Variants in CCDC171 observed in about 807,000 individuals in gnomAD.
The protein encoded by CCDC171 is coiled-coil domain containing 171.
In CCDC171, 177 loss-of-function variants were observed where a neutral mutation model predicts 168.2. That is an observed-to-expected ratio of 1.05 (90% CI 0.93 to 1.19). CCDC171 has a LOEUF of 1.19. Ranked by LOEUF, CCDC171 falls within the 50% of genes most tolerant of loss-of-function variation. The pLI, the probability that CCDC171 is intolerant of heterozygous loss-of-function variation, is 0.00. For missense variants in CCDC171, 1,991 were observed against 1,539.0 expected (o/e 1.29, Z -4.91); for synonymous variants, 687 against 540.8 (o/e 1.27, Z -3.75).
intron 18 of CCDC171, among the ~76,000 whole-genome samples, chr9:15,771,234 T>G (rs1389975042): frequency 6.6e-6 from 1 of 152,172 alleles, no homozygotes; most frequent in Non-Finnish European, 1.5e-5. Flanking sequence ...TGGGCTAAAT[T>G]CATGAGAAAT....
intron 7 of CCDC171, among the ~76,000 whole-genome samples, chr9:15,646,906 A>T (rs2047085210): frequency 6.6e-6 from 1 of 152,254 alleles, no homozygotes. Flanking sequence ...TGGACCTAAT[A>T]GACATCTACA....
chr9:15,863,029 CCAAACCACCACCCTTTTTCT>C (rs113096694), intron 23 of CCDC171, among the ~76,000 whole-genome samples: 4,525 of 151,474 alleles, frequency 0.03, 136 homozygotes, highest in African/African-American at 0.085. Flanking sequence ...GTGCTCTAGT[CCAAACCACCACCCTTTTTCT>C]CAAACCACCA....
intron 21 of CCDC171, among the ~76,000 whole-genome samples, chr9:15,820,041 C>G (rs149910229): frequency 0.03 from 3,551 of 117,474 alleles, 1,087 homozygotes; most frequent in African/African-American, 0.11. Flanking sequence ...GAAACTCACT[C>G]AAAACTGCTC....
chr9:15,912,782 T>G (rs570480703), intron 24 of CCDC171, among the ~76,000 whole-genome samples: 1 of 152,356 alleles, frequency 6.6e-6, no homozygotes, highest in South Asian at 2.1e-4. Flanking sequence ...CTTTTCTGCA[T>G]CTATTGAGAT....
At chr9:15,637,003 C>T (rs983366311) in intron 7 of CCDC171, among the ~76,000 whole-genome samples, 3 of 151,974 alleles carry the variant, frequency 2.0e-5, no homozygotes, top group Non-Finnish European at 4.4e-5. Context: ...TGCCTGTAAT[C>T]CCAGCACTTT....
At chr9:15,958,772 T>C (rs1370060988) in intron 25 of CCDC171, among the ~76,000 whole-genome samples, 1 of 151,958 alleles carries the variant, frequency 6.6e-6, no homozygotes, top group Non-Finnish European at 1.5e-5. Flanking sequence ...TATGAGAAAT[T>C]ACGTTAATGC....
intron 24 of CCDC171, among the ~76,000 whole-genome samples, chr9:15,878,050 C>T (rs553261311): frequency 6.6e-6 from 1 of 152,172 alleles, no homozygotes; most frequent in East Asian, 1.9e-4. Context: ...TAGGTAATAC[C>T]ATTCTGGACA....
chr9:15,862,831 G>A (rs977505415), intron 23 of CCDC171, among the ~76,000 whole-genome samples: 2 of 151,968 alleles, frequency 1.3e-5, no homozygotes, highest in Non-Finnish European at 2.9e-5. Context: ...TTTGTAGTAT[G>A]CCTCATCAGT....
At chr9:15,817,722 A>G (rs1196469401) in intron 21 of CCDC171, among the ~76,000 whole-genome samples, 4 of 118,920 alleles carry the variant, frequency 3.4e-5, no homozygotes, top group African/African-American at 1.3e-4. Flanking sequence ...GGAGCCCACC[A>G]CAGCTCAAGG....
intron 4 of CCDC171, among the ~76,000 whole-genome samples, chr9:15,590,767 CTTT>C: frequency 8.8e-6 from 1 of 113,724 alleles, no homozygotes; most frequent in East Asian, 3.5e-4. Context: ...TTCTTTCTTT[CTTT>C]CTCTTTCTTT....
upstream of CCDC171, among the ~76,000 whole-genome samples, chr9:16,042,015 GT>G (rs1265246978): frequency 6.6e-6 from 1 of 152,176 alleles, no homozygotes; most frequent in African/African-American, 2.4e-5. Flanking sequence ...CTTCATTTTA[GT>G]TTTCTTTCAG....
intron 25 of CCDC171, among the ~76,000 whole-genome samples, chr9:15,947,435 A>G (rs921575369): frequency 6.6e-6 from 1 of 152,048 alleles, no homozygotes; most frequent in Admixed American, 6.6e-5. Flanking sequence ...TATTTCATAT[A>G]AGTAGAATTC....
At chr9:15,776,538 A>C (rs2057338382) in intron 18 of CCDC171, among the ~76,000 whole-genome samples, 1 of 152,222 alleles carries the variant, frequency 6.6e-6, no homozygotes, top group Non-Finnish European at 1.5e-5. Flanking sequence ...CTCCTAAGCA[A>C]GATCATTTTC....
intron 3 of CCDC171, among the ~76,000 whole-genome samples, chr9:16,008,129 G>T (rs1832759809): frequency 6.6e-6 from 1 of 151,976 alleles, no homozygotes; most frequent in Admixed American, 6.6e-5. Context: ...TACTTTTGGT[G>T]TCATATTTAA....
Position 15,811,693 on chromosome 9 carries a change from C to T in CCDC171, c.3267+26999C>T, listed in dbSNP as rs150285584. Among the ~76,000 whole-genome samples, 823 of 152,088 alleles carry T rather than the reference C, an allele frequency of 5.4e-3. 5 individuals are homozygous for T. The highest frequency in any genetic ancestry group is 9.2e-3 in the Non-Finnish European group (625 of 67,986). On this transcript the variant is annotated intron_variant, in intron 21 of 25. Transcript: ENST00000380701. The stretch of plus-strand genomic sequence containing the variant: ...CTTACATATTTTGATCCTTAGGAGA[C>T]CTCAGATTCTGTTTGGTGGTAGGCA...
At chr9:15,845,082 TTTTTTTG>T (rs1431934698) in intron 21 of CCDC171, among the ~76,000 whole-genome samples, 5 of 152,228 alleles carry the variant, frequency 3.3e-5, no homozygotes, top group African/African-American at 1.2e-4. Flanking sequence ...GAAAAATTGA[TTTTTTTG>T]TTGCTTGAAA....
chr9:15,957,174 G>A (rs966649781), intron 25 of CCDC171, among the ~76,000 whole-genome samples: 3 of 152,052 alleles, frequency 2.0e-5, no homozygotes, highest in Non-Finnish European at 4.4e-5. Context: ...ATCTTGCTGT[G>A]TGTGAGCAGT....
chr9:15,981,948 G>A (rs1490778330), intron 3 of CCDC171, among the ~76,000 whole-genome samples: 1 of 152,168 alleles, frequency 6.6e-6, no homozygotes, highest in African/African-American at 2.4e-5. Flanking sequence ...ACAGTAAAAA[G>A]CTTTCAATTC....
chr9:15,958,711 G>GGCAT (rs1228282488), intron 25 of CCDC171, among the ~76,000 whole-genome samples: 1 of 151,898 alleles, frequency 6.6e-6, no homozygotes, highest in Non-Finnish European at 1.5e-5. Flanking sequence ...GAGAAAGCAG[G>GGCAT]GCATGCTTCA....
Sources: allele counts gnomAD v4.1 joint callset (sites outside exome capture counted in the v4.1 genomes callset), GRCh38; gene constraint gnomAD v4.1.1; transcripts MANE v1.5; gene names NCBI Gene and HGNC (gene_info 2026-07-23, HGNC 2026-07-21).